Variants in PDZRN4 observed in about 807,000 individuals in gnomAD.
The protein encoded by PDZRN4 is PDZ domain-containing RING finger protein 4.
Under a neutral mutation model 99.0 loss-of-function variants are expected in PDZRN4, and 70 were observed. The observed-to-expected ratio is 0.71, with a 90% CI of 0.58 to 0.86. The LOEUF is 0.86. Ranked by LOEUF, PDZRN4 falls within the 40% of genes least tolerant of loss-of-function variation. The pLI is 0.00. For synonymous variants in PDZRN4, 551 were observed against 501.6 expected (o/e 1.10, Z -1.32); for missense variants, 1,474 against 1,331.2 (o/e 1.11, Z -1.67).
intron 3 of PDZRN4, among the ~76,000 whole-genome samples, chr12:41,256,693 T>C (rs1951206802): frequency 6.6e-6 from 1 of 152,160 alleles, no homozygotes; most frequent in Non-Finnish European, 1.5e-5. Flanking sequence ...GGATCATGAC[T>C]GTCTCCAGAC....
chr12:41,216,239 G>A lies in PDZRN4; in HGVS notation c.843+22051G>A, dbSNP rs116813186. Among the ~76,000 whole-genome samples, 1,034 of 152,030 alleles carry A rather than the reference G, an allele frequency of 6.8e-3. 7 individuals carry two copies. Among genetic ancestry groups the A allele is most frequent in the African/African-American group, 0.024 (997 of 41,520 alleles). ...AATAATGAGTAATCTAAATGTTCTT[G>A]ATAATGTTATATAGATGTTTAAAAA... is the stretch of plus-strand genomic sequence containing the variant. On this transcript the variant is annotated intron_variant, in intron 3 of 9. Transcript: ENST00000402685.
At position 41,517,488 on chromosome 12, in the gene PDZRN4, G is replaced by T. The variant is rs553691819; in HGVS notation, c.1203+7575G>T. Among the ~76,000 whole-genome samples the T allele has an allele frequency of 5.1e-4, 78 of 152,150 alleles. 1 individual carries two copies. The South Asian group carries it at 0.016, about 31-fold the overall frequency. ...AACTGTTTTCATAGTGGCAGAAAAA[G>T]GAGAGCTGTCTTTTACAATATAAAG... On this transcript the variant is annotated intron_variant, in intron 5 of 9. Coordinates refer to ENST00000402685, the MANE Select transcript of PDZRN4 (RefSeq NM_001164595.2).
At chr12:41,498,783 T>C (rs191236201) in intron 3 of PDZRN4, among the ~76,000 whole-genome samples, 120 of 152,254 alleles carry the variant, frequency 7.9e-4, no homozygotes, top group Non-Finnish European at 1.5e-3. Flanking sequence ...ATGATCTCAA[T>C]AAAAGTTATA....
At chr12:41,387,549 A>T (rs1475534145) in intron 3 of PDZRN4, among the ~76,000 whole-genome samples, 2 of 152,134 alleles carry the variant, frequency 1.3e-5, no homozygotes, top group African/African-American at 2.4e-5. Flanking sequence ...CCGAGATCGC[A>T]CCACTGCACT....
chr12:41,491,158 A>G (rs899112317), intron 3 of PDZRN4, among the ~76,000 whole-genome samples: 3 of 152,152 alleles, frequency 2.0e-5, no homozygotes, highest in Admixed American at 6.5e-5. Context: ...CCTCAGAGAA[A>G]GTTGTCTAAA....
At chr12:41,365,646 A>G (rs1951994430) in intron 3 of PDZRN4, among the ~76,000 whole-genome samples, 1 of 152,108 alleles carries the variant, frequency 6.6e-6, no homozygotes, top group South Asian at 2.1e-4. Flanking sequence ...TTATCAACAT[A>G]TTCCCTTTCC....
At chr12:41,196,327 T>C (rs1008669155) in intron 3 of PDZRN4, among the ~76,000 whole-genome samples, 6 of 152,066 alleles carry the variant, frequency 3.9e-5, no homozygotes, top group Non-Finnish European at 8.8e-5. Flanking sequence ...GAGCTTGAAA[T>C]TTGTCTCAAT....
intron 5 of PDZRN4, among the ~76,000 whole-genome samples, chr12:41,516,764 T>C (rs1032040946): frequency 6.7e-6 from 1 of 149,376 alleles, no homozygotes; most frequent in Admixed American, 6.6e-5. Context: ...TCATTATGAA[T>C]AGCAGCTTTT....
In PDZRN4 at chr12:41,395,574, CT is replaced by C. The variant is rs369161536; in HGVS notation, c.844-110876del. Among the ~76,000 whole-genome samples the C allele has an allele frequency of 7.2e-3, 1,089 of 152,144 alleles. 15 individuals carry two copies. Among genetic ancestry groups the C allele is most frequent in the African/African-American group, 0.025 (1,038 of 41,530 alleles). Reference sequence around the variant, plus strand: ...CATATTTCATTTTGTGTTATCTTTGCTTTTTTCAGTATAAGCTAATAATGTG... The same window carrying C: ...CATATTTCATTTTGTGTTATCTTTGCTTTTTCAGTATAAGCTAATAATGTG... On this transcript the variant is annotated intron_variant, in intron 3 of 9. Coordinates refer to ENST00000402685, the MANE Select transcript of PDZRN4 (RefSeq NM_001164595.2).
chr12:41,211,571 A>G (rs2120697798), intron 3 of PDZRN4, among the ~76,000 whole-genome samples: 1 of 152,058 alleles, frequency 6.6e-6, no homozygotes, highest in East Asian at 1.9e-4. Flanking sequence ...GAGAGATATG[A>G]TCTTAATCAG....
chr12:41,316,268 T>G (rs543702782), intron 3 of PDZRN4, among the ~76,000 whole-genome samples: 59 of 152,214 alleles, frequency 3.9e-4, no homozygotes, highest in African/African-American at 1.4e-3. Flanking sequence ...TAAATAATCC[T>G]GGGTAAGAGG....
chr12:41,223,399 C>G (rs562175396), intron 3 of PDZRN4, among the ~76,000 whole-genome samples: 7 of 152,180 alleles, frequency 4.6e-5, no homozygotes, highest in Non-Finnish European at 8.8e-5. Flanking sequence ...CCCTCCTTCT[C>G]TCCCCCTACC....
At chr12:41,259,248 A>G (rs1486533522) in intron 3 of PDZRN4, among the ~76,000 whole-genome samples, 1 of 152,120 alleles carries the variant, frequency 6.6e-6, no homozygotes, top group Non-Finnish European at 1.5e-5. Context: ...TGAGGAGAAA[A>G]GACAGAGTGG....
At chr12:41,543,954 G>A (rs991422394) in intron 5 of PDZRN4, among the ~76,000 whole-genome samples, 6 of 152,046 alleles carry the variant, frequency 3.9e-5, no homozygotes, top group African/African-American at 1.2e-4. Flanking sequence ...GAAAGAAAAA[G>A]GTGTAATTCT....
intron 9 of PDZRN4, among the ~76,000 whole-genome samples, chr12:41,571,101 C>T (rs1939462887): frequency 6.6e-6 from 1 of 151,986 alleles, no homozygotes; most frequent in African/African-American, 2.4e-5. Context: ...TGTGTAATTA[C>T]ATCTTCTAGA....
intron 3 of PDZRN4, among the ~76,000 whole-genome samples, chr12:41,277,385 T>A (rs986846068): frequency 2.6e-5 from 4 of 152,188 alleles, no homozygotes; most frequent in Admixed American, 2.6e-4. Context: ...AAAACGGGCG[T>A]GAGTTCTGGG....
intron 3 of PDZRN4, among the ~76,000 whole-genome samples, chr12:41,334,998 T>A (rs541085605): frequency 6.6e-6 from 1 of 152,242 alleles, no homozygotes; most frequent in East Asian, 1.9e-4. Flanking sequence ...TATCCTAACA[T>A]TTTAAAGTAA....
intron 3 of PDZRN4, among the ~76,000 whole-genome samples, chr12:41,417,769 G>A (rs575787888): frequency 1.3e-5 from 2 of 152,218 alleles, no homozygotes; most frequent in Admixed American, 6.5e-5. Flanking sequence ...GACCAGAAGT[G>A]CATGAGAATG....
intron 3 of PDZRN4, among the ~76,000 whole-genome samples, chr12:41,307,904 C>A (rs1454821570): frequency 6.6e-6 from 1 of 151,764 alleles, no homozygotes; most frequent in African/African-American, 2.4e-5. Flanking sequence ...TTATATTGCC[C>A]ACTTTATATA....
Sources: gnomAD v4.1 joint callset for allele counts (sites outside exome capture counted in the v4.1 genomes callset) on GRCh38, gnomAD v4.1.1 for gene constraint, MANE v1.5 for transcripts, NCBI Gene and HGNC (gene_info 2026-07-23, HGNC 2026-07-21) for gene names.